SLIT3: variants seen among roughly 807,000 people sequenced by gnomAD.
The protein encoded by SLIT3 is slit guidance ligand 3.
Under a neutral mutation model 184.0 loss-of-function variants are expected in SLIT3, and 68 were observed. The observed-to-expected ratio is 0.37, with a 90% CI of 0.30 to 0.45. The LOEUF is 0.45. Among genes scored for constraint, SLIT3 ranks in the 20% least tolerant of loss-of-function variants. The pLI is 1.00. For synonymous variants in SLIT3, 831 were observed against 828.6 expected (o/e 1.00, Z -0.05); for missense variants, 1,707 against 2,026.0 (o/e 0.84, Z 3.02).
At chr5:169,069,028 C>T (rs1370957836) in intron 4 of SLIT3, among the ~76,000 whole-genome samples, 1 of 152,106 alleles carries the variant, frequency 6.6e-6, no homozygotes, top group Non-Finnish European at 1.5e-5. Context: ...GTAGAAGGTA[C>T]AGCTAGGAAA....
chr5:168,703,219 T>C (rs1460022057), intron 26 of SLIT3, among the ~76,000 whole-genome samples: 2 of 146,110 alleles, frequency 1.4e-5, no homozygotes, highest in Admixed American at 7.0e-5. Flanking sequence ...CTACCCCTCA[T>C]CCCACTTTGT....
intron 3 of SLIT3, among the ~76,000 whole-genome samples, chr5:169,221,419 T>C (rs1250057590): frequency 2.0e-5 from 3 of 152,184 alleles, no homozygotes; most frequent in Non-Finnish European, 4.4e-5. Context: ...TGTATCAGTG[T>C]TGAGGGCTAC....
At chr5:169,140,546 T>C (rs1197191782) in intron 4 of SLIT3, among the ~76,000 whole-genome samples, 1 of 146,328 alleles carries the variant, frequency 6.8e-6, no homozygotes, top group Non-Finnish European at 1.5e-5. Context: ...CACATCCACC[T>C]GTAATCCTTA....
intron 4 of SLIT3, among the ~76,000 whole-genome samples, chr5:169,025,777 T>C (rs1292878386): frequency 2.6e-5 from 4 of 151,998 alleles, no homozygotes; most frequent in Admixed American, 2.6e-4. Context: ...TGATAGTTCA[T>C]CAAAAAAAAG....
At chr5:168,918,602 G>C (rs1224676366) in intron 4 of SLIT3, among the ~76,000 whole-genome samples, 2 of 152,156 alleles carry the variant, frequency 1.3e-5, no homozygotes, top group Admixed American at 6.5e-5. Flanking sequence ...GAAGAATTCA[G>C]CTCTTAGTGG....
intron 9 of SLIT3, among the ~76,000 whole-genome samples, chr5:168,802,898 C>T (rs955223208): frequency 2.0e-5 from 3 of 152,202 alleles, no homozygotes; most frequent in African/African-American, 2.4e-5. Context: ...TTAGCCTCTG[C>T]GTTTTGCAAC....
At chr5:169,184,660 G>T (rs569316162) in intron 4 of SLIT3, among the ~76,000 whole-genome samples, 1 of 152,260 alleles carries the variant, frequency 6.6e-6, no homozygotes, top group South Asian at 2.1e-4. Flanking sequence ...CAGACTTCCC[G>T]GCTGTGTGGC....
intron 17 of SLIT3, 76 bp from the exon 18 acceptor site, chr5:168,753,174 G>T: frequency 6.6e-7 from 1 of 1,509,806 alleles, no homozygotes; most frequent in Non-Finnish European, 9.1e-7. Context: ...GGTGGTGTGT[G>T]TGTGTGTATA....
At chr5:168,973,980 T>C (rs1754669086) in intron 4 of SLIT3, among the ~76,000 whole-genome samples, 1 of 152,158 alleles carries the variant, frequency 6.6e-6, no homozygotes, top group Non-Finnish European at 1.5e-5. Flanking sequence ...AAAATACGGG[T>C]AACTAGAAAA....
intron 30 of SLIT3, among the ~76,000 whole-genome samples, chr5:168,686,202 G>A (rs566524573): frequency 2.5e-4 from 38 of 152,300 alleles, no homozygotes; most frequent in Admixed American, 2.3e-3. Context: ...ACAGGAGTGC[G>A]AGTTCAGGCT....
chr5:168,830,212 C>A (rs532751311), intron 6 of SLIT3, among the ~76,000 whole-genome samples: 3 of 152,320 alleles, frequency 2.0e-5, no homozygotes, highest in African/African-American at 7.2e-5. Context: ...ACTCTCTCAA[C>A]CTCAGGTTGA....
chr5:168,741,298 G>C (rs1401824787), intron 20 of SLIT3, among the ~76,000 whole-genome samples: 1 of 151,748 alleles, frequency 6.6e-6, no homozygotes, highest in Non-Finnish European at 1.5e-5. Flanking sequence ...GTGAAACCCC[G>C]TCTCTACTAA....
Position 168,666,393 on chromosome 5 carries a change from C to T in SLIT3, c.*61G>A, listed in dbSNP as rs970620612. ...CATGCTGAATCACCAGGGGGTCCCA[C>T]ATGGCTGTCCCAACTCCATCAAGCT... On this transcript the variant is annotated 3_prime_UTR_variant, in exon 36 of 36. Coordinates refer to ENST00000519560, the MANE Select transcript of SLIT3 (RefSeq NM_003062.4). 12 of 1,460,544 alleles carry T rather than the reference C, an allele frequency of 8.2e-6. No homozygotes were observed. The African/African-American group carries it at 1.4e-4, about 17-fold the overall frequency. The allele number at this position is 1,460,544 out of a possible 1,614,324, so 90.5% of individuals were successfully genotyped here.
rs116692729 is a variant in SLIT3 at position 169,118,246 on chromosome 5, T to C, written c.413+75233A>G. On this transcript the variant is annotated intron_variant, in intron 4 of 35. Coordinates refer to ENST00000519560, the MANE Select transcript of SLIT3 (RefSeq NM_003062.4). ...CAATGCCTACATATAAAAGAATCTG[T>C]ATTTCCTCAATAATTTGTATTAGGA... Among the ~76,000 whole-genome samples, 391 of 152,350 alleles carry C rather than the reference T, an allele frequency of 2.6e-3. 5 individuals carry two copies. Among genetic ancestry groups the C allele is most frequent in the African/African-American group, 9.2e-3 (381 of 41,576 alleles).
At chr5:169,228,750 T>C (rs1764894339) in intron 3 of SLIT3, among the ~76,000 whole-genome samples, 1 of 152,242 alleles carries the variant, frequency 6.6e-6, no homozygotes, top group Non-Finnish European at 1.5e-5. Context: ...GGAATCTTCC[T>C]AGTTAGAACC....
chr5:168,991,197 G>A (rs998213452), intron 4 of SLIT3, among the ~76,000 whole-genome samples: 1 of 152,170 alleles, frequency 6.6e-6, no homozygotes, highest in African/African-American at 2.4e-5. Flanking sequence ...GATGTGCCAA[G>A]GACTCTGAAC....
intron 6 of SLIT3, among the ~76,000 whole-genome samples, chr5:168,836,896 C>T (rs148445268): frequency 2.6e-5 from 4 of 152,254 alleles, no homozygotes; most frequent in Middle Eastern, 6.8e-3. Flanking sequence ...TAGAAAACCA[C>T]AAGTTTCCCG....
chr5:168,921,268 T>C (rs1437648690), intron 4 of SLIT3, among the ~76,000 whole-genome samples: 1 of 152,212 alleles, frequency 6.6e-6, no homozygotes, highest in East Asian at 1.9e-4. Context: ...TCTATGTTCC[T>C]GAATACTTTA....
At chr5:168,764,412 T>C (rs1445791813) in intron 14 of SLIT3, among the ~76,000 whole-genome samples, 2 of 152,198 alleles carry the variant, frequency 1.3e-5, no homozygotes, top group African/African-American at 4.8e-5. Flanking sequence ...CAGGCTGCTG[T>C]CTGGTTCCAT....
Sources: allele counts gnomAD v4.1 joint callset (sites outside exome capture counted in the v4.1 genomes callset), GRCh38; gene constraint gnomAD v4.1.1; transcripts MANE v1.5; gene names NCBI Gene and HGNC (gene_info 2026-07-23, HGNC 2026-07-21).